BLTP3B: variants seen among roughly 807,000 people sequenced by gnomAD.
BLTP3B encodes bridge-like lipid transfer protein family member 3B.
At chr12:100,060,027 G>A in the BLTP3B span, 1 of 1,596,124 alleles carries the variant, frequency 6.3e-7, no homozygotes, top group Non-Finnish European at 8.5e-7. Flanking sequence ...GCTGGCTATA[G>A]AGGTTGGGAG....
chr12:100,101,262 A>T, the BLTP3B span, among the ~76,000 whole-genome samples: 10 of 152,174 alleles, frequency 6.6e-5, no homozygotes, highest in Non-Finnish European at 7.3e-5. Flanking sequence ...GCCTTTAGTC[A>T]ACTCTTAGAA....
the BLTP3B span, chr12:100,097,638 T>C: frequency 9.7e-7 from 1 of 1,034,634 alleles, no homozygotes; most frequent in South Asian, 2.0e-5. Flanking sequence ...TTCACCATGT[T>C]TTTATTTTTG....
the BLTP3B span, among the ~76,000 whole-genome samples, chr12:100,136,738 A>G: frequency 2.6e-5 from 4 of 152,150 alleles, no homozygotes; most frequent in African/African-American, 9.7e-5. Flanking sequence ...ATCTCCAATT[A>G]TATGCACCTT....
the BLTP3B span, among the ~76,000 whole-genome samples, chr12:100,118,845 G>C: frequency 6.6e-6 from 1 of 152,206 alleles, no homozygotes; most frequent in Non-Finnish European, 1.5e-5. Context: ...GTTCATGCCT[G>C]TAACTCCAGC....
At chr12:100,131,087 T>C in the BLTP3B span, among the ~76,000 whole-genome samples, 2 of 149,226 alleles carry the variant, frequency 1.3e-5, no homozygotes, top group African/African-American at 4.9e-5. Flanking sequence ...ATCATGAAGT[T>C]TATTCCCAAA....
the BLTP3B span, among the ~76,000 whole-genome samples, chr12:100,115,931 C>T: frequency 2.0e-5 from 3 of 152,078 alleles, no homozygotes; most frequent in Admixed American, 6.6e-5. Context: ...AATCCCAGCA[C>T]TTTAAGGCAG....
chr12:100,076,388 C>CTTT, the BLTP3B span, among the ~76,000 whole-genome samples: 196 of 110,140 alleles, frequency 1.8e-3, no homozygotes, highest in African/African-American at 2.6e-3. Flanking sequence ...CCTCAGCAAT[C>CTTT]TTTTTTTTTT....
the BLTP3B span, chr12:100,092,810 G>A: frequency 1.3e-6 from 1 of 777,458 alleles, no homozygotes; most frequent in African/African-American, 1.9e-5. Flanking sequence ...AGTCTTAACA[G>A]AATAGTATTT....
chr12:100,070,177 A>C, the BLTP3B span: 16 of 1,560,612 alleles, frequency 1.0e-5, no homozygotes, highest in Non-Finnish European at 1.4e-5. Flanking sequence ...CAGCTGAGAG[A>C]AACAAATGAG....
At chr12:100,107,289 CAAAAA>C in the BLTP3B span, among the ~76,000 whole-genome samples, 2 of 35,344 alleles carry the variant, frequency 5.7e-5, no homozygotes, top group East Asian at 9.2e-4. Context: ...CTCCATCTCC[CAAAAA>C]AAAAAAAAAA....
At chr12:100,089,780 T>C in the BLTP3B span, among the ~76,000 whole-genome samples, 2 of 152,180 alleles carry the variant, frequency 1.3e-5, no homozygotes, top group African/African-American at 2.4e-5. Flanking sequence ...CTGTTATATA[T>C]CTGATATGGT....
the BLTP3B span, chr12:100,072,894 T>C: frequency 7.0e-7 from 1 of 1,425,610 alleles, no homozygotes; most frequent in Non-Finnish European, 9.3e-7. Flanking sequence ...ACAGTACTTT[T>C]AAAACTACTT....
chr12:100,054,628 C>G, the BLTP3B span, among the ~76,000 whole-genome samples: 7 of 152,090 alleles, frequency 4.6e-5, no homozygotes, highest in African/African-American at 1.7e-4. Context: ...ATCTGCGAAT[C>G]TAGAATAGAT....
chr12:100,047,845 A>G, the BLTP3B span: 5 of 1,212,658 alleles, frequency 4.1e-6, no homozygotes, highest in Non-Finnish European at 2.2e-6. Flanking sequence ...ATAAATGCTG[A>G]TAGAATATAT....
At chr12:100,052,950 T>G in the BLTP3B span, among the ~76,000 whole-genome samples, 1 of 151,540 alleles carries the variant, frequency 6.6e-6, no homozygotes, top group Non-Finnish European at 1.5e-5. Context: ...TGTGCCACTA[T>G]GCCTGGCTAA....
chr12:100,097,562 T>A, the BLTP3B span: 1 of 1,500,462 alleles, frequency 6.7e-7, no homozygotes. Context: ...ATGAGAAAAA[T>A]GTAGATTTTT....
the BLTP3B span, chr12:100,060,009 T>G: frequency 6.2e-7 from 1 of 1,607,374 alleles, no homozygotes; most frequent in Non-Finnish European, 8.5e-7. Flanking sequence ...TAAACTGTAG[T>G]GCATTCAGCT....
the BLTP3B span, chr12:100,082,983 T>C: frequency 6.6e-7 from 1 of 1,513,012 alleles, no homozygotes; most frequent in Non-Finnish European, 9.2e-7. Context: ...CTAAAGTGTT[T>C]ATGAGAAAAC....
chr12:100,092,801 G>C, the BLTP3B span: 2 of 729,096 alleles, frequency 2.7e-6, no homozygotes, highest in South Asian at 1.2e-4. Flanking sequence ...TTCCTTGCAA[G>C]TCTTAACAGA....
Sources: gnomAD v4.1 joint callset for allele counts (sites outside exome capture counted in the v4.1 genomes callset) on GRCh38, gnomAD v4.1.1 for gene constraint, MANE v1.5 for transcripts, NCBI Gene and HGNC (gene_info 2026-07-23, HGNC 2026-07-21) for gene names.